MOB3B: variants seen among roughly 807,000 people sequenced by gnomAD.
MOB3B encodes MOB kinase activator-like 2B.
MOB3B carries 7 observed loss-of-function variants against 18.7 expected under a neutral mutation model. The ratio of observed to expected loss-of-function variants is 0.37; its 90% CI spans 0.21 to 0.70. MOB3B has a LOEUF of 0.70. MOB3B is among the 30% of genes least tolerant of loss of function. The pLI, the probability that MOB3B is intolerant of heterozygous loss-of-function variation, is 0.52. For missense variants in MOB3B, 253 were observed against 281.3 expected, an observed-to-expected ratio of 0.90 and a Z score of 0.72; for synonymous variants, 111 against 99.9, an observed-to-expected ratio of 1.11 and a Z score of -0.66.
intron 1 of MOB3B, among the ~76,000 whole-genome samples, chr9:27,494,991 G>A (rs115992534): frequency 2.0e-5 from 3 of 152,234 alleles, no homozygotes; most frequent in African/African-American, 7.2e-5. Flanking sequence ...TAGTCTGTGG[G>A]CCACAATCAG....
intron 3 of MOB3B, among the ~76,000 whole-genome samples, chr9:27,343,478 T>TAAAAAAA (rs779124158): frequency 9.5e-4 from 80 of 84,214 alleles, no homozygotes; most frequent in Non-Finnish European, 1.3e-3. Context: ...CAATAAATAC[T>TAAAAAAA]AAAAAAAAAA....
intron 2 of MOB3B, among the ~76,000 whole-genome samples, chr9:27,426,180 C>T (rs2131417524): frequency 6.6e-6 from 1 of 152,262 alleles, no homozygotes; most frequent in East Asian, 1.9e-4. Context: ...AGTGGCAAAA[C>T]TGGGATTCCA....
At chr9:27,516,162 C>A (rs1820230355) in intron 1 of MOB3B, among the ~76,000 whole-genome samples, 1 of 152,190 alleles carries the variant, frequency 6.6e-6, no homozygotes, top group South Asian at 2.1e-4. Context: ...GAAGCATTAT[C>A]ATGATGGCAC....
intron 2 of MOB3B, among the ~76,000 whole-genome samples, chr9:27,361,129 C>T (rs1821269306): frequency 6.6e-6 from 1 of 152,104 alleles, no homozygotes; most frequent in African/African-American, 2.4e-5. Context: ...AGGAGGTCGA[C>T]ATATGTTGTC....
In MOB3B at chr9:27,374,517, A is replaced by G. The variant is rs117244563; in HGVS notation, c.419-15281T>C. On this transcript the variant is annotated intron_variant, in intron 2 of 3. Transcript: ENST00000262244. Reference sequence around the variant, plus strand: ...TTATGAAACACAACTTTTGAGGAGAACTGGTCTTTTGGAATTTGGTCTTGG... The same window carrying G: ...TTATGAAACACAACTTTTGAGGAGAGCTGGTCTTTTGGAATTTGGTCTTGG... 2.0e-5 allele frequency among the ~76,000 whole-genome samples: 3 copies of G among 152,234 alleles called. No homozygotes were observed. The East Asian group carries it at 5.8e-4, about 29-fold the overall frequency.
intron 1 of MOB3B, among the ~76,000 whole-genome samples, chr9:27,518,755 C>T (rs956736451): frequency 6.6e-6 from 1 of 152,094 alleles, no homozygotes; most frequent in Non-Finnish European, 1.5e-5. Flanking sequence ...AAAAAAGCAG[C>T]AAAAGGGGGT....
chr9:27,347,871 C>T (rs28384213), intron 3 of MOB3B, among the ~76,000 whole-genome samples: 17,397 of 152,256 alleles, frequency 0.11, 2,625 homozygotes, highest in African/African-American at 0.35. Context: ...GGCTATACCA[C>T]ATAGCCTAGG....
chr9:27,460,176 C>G (rs2131455375), intron 1 of MOB3B, among the ~76,000 whole-genome samples: 1 of 152,252 alleles, frequency 6.6e-6, no homozygotes, highest in African/African-American at 2.4e-5. Context: ...GTTCAATGCA[C>G]CAACATGCAT....
At chr9:27,524,361 C>A in intron 1 of MOB3B, 1 of 1,612,430 alleles carries the variant, frequency 6.2e-7, no homozygotes, top group South Asian at 1.1e-5. Flanking sequence ...TGATATGATT[C>A]AAAAGTGTTT....
At chr9:27,353,443 G>T (rs891173484) in intron 3 of MOB3B, among the ~76,000 whole-genome samples, 10 of 152,100 alleles carry the variant, frequency 6.6e-5, no homozygotes, top group African/African-American at 2.4e-4. Flanking sequence ...GTGTGTGTGT[G>T]GACTCCTGAG....
At chr9:27,468,587 G>C (rs1333131800) in intron 1 of MOB3B, among the ~76,000 whole-genome samples, 1 of 152,146 alleles carries the variant, frequency 6.6e-6, no homozygotes, top group Non-Finnish European at 1.5e-5. Context: ...ATACTGTGCT[G>C]TATTTCTTTG....
chr9:27,476,071 C>T (rs1370199990), intron 1 of MOB3B, among the ~76,000 whole-genome samples: 2 of 152,322 alleles, frequency 1.3e-5, no homozygotes, highest in East Asian at 3.9e-4. Context: ...ACAGATCTGG[C>T]CCCTGGATAC....
intron 3 of MOB3B, among the ~76,000 whole-genome samples, chr9:27,356,711 A>T (rs149954757): frequency 4.6e-5 from 7 of 152,108 alleles, no homozygotes; most frequent in African/African-American, 1.7e-4. Context: ...CCTGAACATG[A>T]CTATAGAAGA....
intron 2 of MOB3B, among the ~76,000 whole-genome samples, chr9:27,419,883 G>GA (rs2131410704): frequency 6.6e-6 from 1 of 152,264 alleles, no homozygotes; most frequent in East Asian, 1.9e-4. Context: ...CAGAGTGGGA[G>GA]AAAATCTTCA....
chr9:27,430,470 G>C (rs111617021), intron 2 of MOB3B, among the ~76,000 whole-genome samples: 2,697 of 152,270 alleles, frequency 0.018, 34 homozygotes, highest in Middle Eastern at 0.031. Flanking sequence ...GGGTAGGAGT[G>C]CGGACTCTGA....
intron 2 of MOB3B, among the ~76,000 whole-genome samples, chr9:27,447,710 G>T (rs185276844): frequency 1.3e-5 from 2 of 152,296 alleles, no homozygotes; most frequent in Non-Finnish European, 2.9e-5. Flanking sequence ...TTGTTGAGCA[G>T]GGGTGGTTAT....
At chr9:27,522,998 T>C (rs990713158) in intron 1 of MOB3B, among the ~76,000 whole-genome samples, 4 of 152,232 alleles carry the variant, frequency 2.6e-5, no homozygotes, top group African/African-American at 9.6e-5. Flanking sequence ...AATTAGCCTT[T>C]GGTGCAGTCA....
At chr9:27,414,856 G>A (rs1037963756) in intron 2 of MOB3B, among the ~76,000 whole-genome samples, 8 of 151,968 alleles carry the variant, frequency 5.3e-5, no homozygotes, top group African/African-American at 1.7e-4. Flanking sequence ...TACTCTAACC[G>A]CAGTTTTATT....
At chr9:27,503,603 A>T (rs1336493939) in intron 1 of MOB3B, among the ~76,000 whole-genome samples, 3 of 152,198 alleles carry the variant, frequency 2.0e-5, no homozygotes. Flanking sequence ...GAACCTTGCT[A>T]AAATACTGAT....
Sources: gnomAD v4.1 joint callset for allele counts (sites outside exome capture counted in the v4.1 genomes callset) on GRCh38, gnomAD v4.1.1 for gene constraint, MANE v1.5 for transcripts, NCBI Gene and HGNC (gene_info 2026-07-23, HGNC 2026-07-21) for gene names.